Variants in ALG1 observed in about 807,000 individuals in gnomAD.
The protein encoded by ALG1 is chitobiosyldiphosphodolichol beta-mannosyltransferase.
ALG1 carries 58 observed loss-of-function variants against 55.1 expected under a neutral mutation model. That is an observed-to-expected ratio of 1.05 (90% CI 0.85 to 1.31). The LOEUF (loss-of-function observed/expected upper bound fraction) is 1.31, where lower values mean the gene tolerates loss of function less well. ALG1 is among the 50% of genes most tolerant of loss of function. The pLI, the probability that ALG1 is intolerant of heterozygous loss-of-function variation, is 0.00. For synonymous variants in ALG1, 309 were observed against 247.0 expected, an observed-to-expected ratio of 1.25 and a Z score of -2.35; for missense variants, 761 against 598.6, an observed-to-expected ratio of 1.27 and a Z score of -2.83.
rs1957149555 is a variant in ALG1, at chr16:5,085,979, GC to G, written c.*1102del. ...CGCTGTCCACTCTCTGCCTGTGTCT[GC>G]CCCAGCACTTGGCACAGCGGGACAG... On this transcript the variant is annotated 3_prime_UTR_variant, in exon 13 of 13. Transcript: ENST00000262374. Among the ~76,000 whole-genome samples, 1 of 152,156 alleles carries G rather than the reference GC, an allele frequency of 6.6e-6. No individual in the cohort carries two copies. The highest frequency in any genetic ancestry group is 2.1e-4 in the South Asian group (1 of 4,828).
At chr16:5,077,162 T>G (rs530170521) in intron 4 of ALG1, among the ~76,000 whole-genome samples, 1 of 152,196 alleles carries the variant, frequency 6.6e-6, no homozygotes, top group Non-Finnish European at 1.5e-5. Flanking sequence ...TTTATTTTTT[T>G]AAATTTGTAT....
chr16:5,086,316 C>G lies in ALG1; in HGVS notation c.*1435C>G, dbSNP rs1392269670. Among the ~76,000 whole-genome samples the G allele has an allele frequency of 1.6e-5, 2 of 127,508 alleles. No individual in the cohort carries two copies. Among genetic ancestry groups the G allele is most frequent in the Admixed American group, 1.8e-4 (2 of 11,094 alleles). 83.7% of individuals were successfully genotyped at this position (127,508 alleles called of 152,430 possible). ...TGCCACTGCACTCCAGCCTGAGTGA[C>G]AGGGTGAGACTAAGTCTCAAAAAAA... is the stretch of plus-strand genomic sequence containing the variant. On this transcript the variant is annotated 3_prime_UTR_variant, in exon 13 of 13. Transcript: ENST00000262374.
In ALG1 at chr16:5,083,710, A is replaced by G; in HGVS notation, c.1216A>G (p.Asn406Asp). 6.3e-7 allele frequency: 1 copy of G among 1,599,460 alleles called. No individual in the cohort carries two copies. The highest frequency in any genetic ancestry group is 8.5e-7 in the Non-Finnish European group (1 of 1,179,766). ...ACATGAGCTGGTGAAACATGAAGAA[A>G]ATGGCCTGGTCTTTGAGGACTCAGA... is the stretch of plus-strand genomic sequence containing the variant. ...CLHELVKHEE[N>D]GLVFEDSEEL... The change falls in exon 12 of 13, where the codon AAT becomes GAT. Residue 406 changes from asparagine (N) to aspartate (D), a missense_variant. By Grantham distance (23) the Asn-to-Asp change is conservative. Coordinates refer to ENST00000262374, the MANE Select transcript of ALG1 (RefSeq NM_019109.5).
At chr16:5,076,635 C>G (rs1956919779) in intron 4 of ALG1, among the ~76,000 whole-genome samples, 1 of 152,164 alleles carries the variant, frequency 6.6e-6, no homozygotes, top group Non-Finnish European at 1.5e-5. Context: ...TCCGGCTCTA[C>G]CCTGCGATCA....
At chr16:5,072,332 C>T (rs527465245) in intron 1 of ALG1, 316 of 1,264,548 alleles carry the variant, frequency 2.5e-4, no homozygotes, top group East Asian at 3.5e-4. Flanking sequence ...CGTGGAACTC[C>T]AGGGCTAGTG....
intron 3 of ALG1, among the ~76,000 whole-genome samples, chr16:5,075,039 G>A (rs2270255): frequency 0.24 from 35,736 of 151,982 alleles, 4,991 homozygotes; most frequent in Middle Eastern, 0.34. Flanking sequence ...GAGTAGCTGG[G>A]GCTGCAGGTG....
intron 3 of ALG1, among the ~76,000 whole-genome samples, chr16:5,073,700 G>A (rs1028121447): frequency 3.3e-5 from 5 of 152,186 alleles, no homozygotes; most frequent in Admixed American, 6.5e-5. Context: ...GCACGCATAC[G>A]CGCGCACACA....
intron 3 of ALG1, among the ~76,000 whole-genome samples, chr16:5,074,069 C>A (rs1030641400): frequency 2.0e-5 from 3 of 149,618 alleles, no homozygotes; most frequent in African/African-American, 7.7e-5. Context: ...AAAAATTTTT[C>A]TTTCTTTTCT....
At chr16:5,075,636 GGCTCT>G in intron 4 of ALG1, 100 bp downstream of exon 4, 1 of 1,452,042 alleles carries the variant, frequency 6.9e-7, no homozygotes, top group Middle Eastern at 2.0e-4. Flanking sequence ...GTTCCTTGTG[GGCTCT>G]GCAGGAGGTG....
Position 5,080,961 on chromosome 16 carries a change from G to A in ALG1, c.977G>A (p.Arg326Lys). ...CTCTGTGAAGGCAAAGGGCCTCTGAGGGAGTATTATAGCCGCCTCATCCAC... is the reference window on the plus strand; with the variant it reads ...CTCTGTGAAGGCAAAGGGCCTCTGAAGGAGTATTATAGCCGCCTCATCCAC... ...VCVITGKGPL[R>K]EYYSRLIHQK... Residue 326 changes from arginine (R) to lysine (K), a missense_variant, in exon 10 of 13, where the codon AGG becomes AAG. By Grantham distance (26) the Arg-to-Lys change is conservative. Coordinates refer to ENST00000262374, the MANE Select transcript of ALG1 (RefSeq NM_019109.5). The A allele has an allele frequency of 6.3e-7, 1 of 1,596,416 alleles. No homozygotes were observed. Among genetic ancestry groups the A allele is most frequent in the Non-Finnish European group, 8.5e-7 (1 of 1,179,732 alleles).
intron 9 of ALG1, among the ~76,000 whole-genome samples, chr16:5,080,034 C>G (rs376445483): frequency 1.3e-5 from 2 of 151,402 alleles, no homozygotes; most frequent in Admixed American, 6.6e-5. Context: ...TCAGTAGTTT[C>G]CAAGCATCTT....
rs371997547 is a variant in ALG1 at position 5,086,361 on chromosome 16, ACCACACACACAC to A, written c.*1493_*1504del. 10 of 150,320 alleles carry A rather than the reference ACCACACACACAC, an allele frequency of 6.7e-5. No individual in the cohort carries two copies. The highest frequency in any genetic ancestry group is 1.5e-4 in the African/African-American group (6 of 40,326). The allele number at this position is 150,320 out of a possible 1,614,324, so 9.3% of individuals were successfully genotyped here. A position where few individuals can be genotyped will look rare whatever the true frequency, so the allele number is the denominator to read the frequency against. The stretch of plus-strand genomic sequence containing the variant: ...AAAAAAAAAAAAAAAAACCACACGC[ACCACACACACAC>A]CCACACACACACACAGCTTAGAAGG... On this transcript the variant is annotated 3_prime_UTR_variant, in exon 13 of 13. Coordinates refer to ENST00000262374, the MANE Select transcript of ALG1 (RefSeq NM_019109.5).
At chr16:5,081,594 C>G (rs1411668240) in intron 10 of ALG1, among the ~76,000 whole-genome samples, 1 of 152,220 alleles carries the variant, frequency 6.6e-6, no homozygotes, top group Non-Finnish European at 1.5e-5. Flanking sequence ...TTTAGACAGT[C>G]TCGCTCCGTT....
At chr16:5,083,624 C>T in intron 11 of ALG1, 58 bp from the exon 12 acceptor site, 9 of 1,599,296 alleles carry the variant, frequency 5.6e-6, no homozygotes, top group South Asian at 2.2e-5. Flanking sequence ...AGGTGGGCAC[C>T]CCAGGGGTCT....
At chr16:5,078,624 G>C in intron 6 of ALG1, 133 bp from the exon 7 acceptor site, 1 of 1,505,146 alleles carries the variant, frequency 6.6e-7, no homozygotes, top group East Asian at 2.3e-5. Flanking sequence ...TGGCAGGGGT[G>C]GCCTGGTGCT....
intron 9 of ALG1, 43 bp downstream of exon 9, chr16:5,079,850 C>T (rs571479212): frequency 4.7e-5 from 74 of 1,590,048 alleles, no homozygotes; most frequent in Admixed American, 2.3e-4. Flanking sequence ...TGGGGGATGG[C>T]GGAGGGGGAG....
At position 5,084,809 on chromosome 16, in the gene ALG1, G is replaced by A. The variant is rs760732018; in HGVS notation, c.1323G>A (p.Leu441=). The A allele has an allele frequency of 6.3e-7, 1 of 1,596,482 alleles. No individual in the cohort carries two copies. The highest frequency in any genetic ancestry group is 1.1e-5 in the South Asian group (1 of 90,990). The change falls in exon 13 of 13, where the codon CTG becomes CTA. Residue 441 remains leucine, a synonymous_variant. Transcript: ENST00000262374. ...AGKLNQFRKN[L]RESQQLRWDE... is the part of the protein sequence containing the mutation. ...AGCTAAACCAGTTCCGGAAGAACCT[G>A]CGGGAGTCGCAGCAGCTCCGATGGG...
chr16:5,072,187 G>A, intron 1 of ALG1, 130 bp downstream of exon 1: 1 of 1,402,506 alleles, frequency 7.1e-7, no homozygotes, highest in Non-Finnish European at 9.3e-7. Context: ...GAGATTAGAC[G>A]AGCGGTTCTG....
chr16:5,082,620 G>C lies in ALG1; in HGVS notation c.1134G>C (p.Lys378Asn). 6.2e-7 allele frequency: 1 copy of C among 1,612,030 alleles called. No individual in the cohort carries two copies. The highest frequency in any genetic ancestry group is 1.1e-5 in the South Asian group (1 of 90,994). The part of the protein sequence containing the change: ...TSSSGLDLPM[K>N]VVDMFGCCLP... Reference sequence around the variant, plus strand: ...CCAGTGGCCTGGACCTGCCCATGAAGGTGGTGGACATGTTCGGGTGCTGTT... The same window carrying C: ...CCAGTGGCCTGGACCTGCCCATGAACGTGGTGGACATGTTCGGGTGCTGTT... The change falls in exon 11 of 13, where the codon AAG (lysine) becomes AAC (asparagine). Residue 378 changes from lysine (K) to asparagine (N), a missense_variant. Physicochemically the swap from Lys to Asn is moderately conservative, Grantham distance 94. Transcript: ENST00000262374.
Sources: gnomAD v4.1 joint callset for allele counts (sites outside exome capture counted in the v4.1 genomes callset) on GRCh38, gnomAD v4.1.1 for gene constraint, MANE v1.5 for transcripts, NCBI Gene and HGNC (gene_info 2026-07-23, HGNC 2026-07-21) for gene names.